CTNNA1: variants seen among roughly 807,000 people sequenced by gnomAD.
CTNNA1 encodes catenin alpha 1, also known as catenin alpha-1.
CTNNA1 carries 37 observed loss-of-function variants against 98.4 expected under a neutral mutation model. The observed-to-expected ratio is 0.38, with a 90% confidence interval of 0.29 to 0.49. The LOEUF (loss-of-function observed/expected upper bound fraction) is 0.49, where lower values mean the gene tolerates loss of function less well. CTNNA1 is among the 20% of genes least tolerant of loss of function. CTNNA1 has a pLI of 0.95. For synonymous variants in CTNNA1, 404 were observed against 413.2 expected (o/e 0.98, Z 0.27); for missense variants, 761 against 1,147.2 (o/e 0.66, Z 4.86).
At chr5:138,931,347 C>T (rs920704524) in intron 16 of CTNNA1, among the ~76,000 whole-genome samples, 6 of 152,194 alleles carry the variant, frequency 3.9e-5, no homozygotes, top group African/African-American at 9.6e-5. Context: ...TACAAAAATA[C>T]GGTTCCTACC....
chr5:138,837,464 TC>T (rs1425370702), intron 7 of CTNNA1, among the ~76,000 whole-genome samples: 1 of 92,216 alleles, frequency 1.1e-5, no homozygotes, highest in Non-Finnish European at 2.2e-5. Context: ...TTCCTCCTCC[TC>T]CCCCTCCTCT....
intron 6 of CTNNA1, among the ~76,000 whole-genome samples, chr5:138,825,603 G>A (rs1301605231): frequency 6.7e-6 from 1 of 148,872 alleles, no homozygotes; most frequent in South Asian, 2.1e-4. Flanking sequence ...AAGTAGGGAT[G>A]CTATGAAATA....
At chr5:138,797,893 A>T (rs1022105775) in intron 3 of CTNNA1, among the ~76,000 whole-genome samples, 24 of 151,932 alleles carry the variant, frequency 1.6e-4, no homozygotes, top group Admixed American at 1.2e-3. Flanking sequence ...GCTAAAAAAA[A>T]AATTTAAAAA....
chr5:138,811,956 G>T, intron 4 of CTNNA1: 1 of 393,894 alleles, frequency 2.5e-6, no homozygotes, highest in South Asian at 2.7e-5. Flanking sequence ...GGGAGGGGAA[G>T]GGGGAGGGAA....
At chr5:138,820,900 G>A (rs1025501011) in intron 5 of CTNNA1, among the ~76,000 whole-genome samples, 2 of 152,190 alleles carry the variant, frequency 1.3e-5, no homozygotes, top group African/African-American at 4.8e-5. Context: ...ACGTAATCTT[G>A]CAAGGTCACT....
rs1760114920 is a variant in CTNNA1, at chr5:138,822,187, G to C, written c.589-2343G>C. On this transcript the variant is annotated intron_variant, in intron 5 of 17. Transcript: ENST00000302763. ...CAGAACATATGCACCAGCTGTTTAA[G>C]CATAATGGTTAACCCTAGCTCCTTG... Among the ~76,000 whole-genome samples, 6 of 152,298 alleles carry C rather than the reference G, an allele frequency of 3.9e-5. No homozygotes were observed. The South Asian group carries it at 1.2e-3, about 32-fold the overall frequency.
chr5:138,764,682 G>T lies in CTNNA1; in HGVS notation c.-3+11172G>T, dbSNP rs1438503146. ...GACGGGGTTTCTCCATGTTGGTCAG[G>T]CTGGTCTCGAACTCCTGACCTCAGG... On this transcript the variant is annotated intron_variant, in intron 1 of 17. Transcript: ENST00000302763. Among the ~76,000 whole-genome samples, 5 of 151,598 alleles carry T rather than the reference G, an allele frequency of 3.3e-5. No individual in the cohort carries two copies. In the East Asian group the frequency reaches 9.9e-4, roughly 30 times the overall value.
chr5:138,826,082 C>G (rs991120264), intron 6 of CTNNA1, among the ~76,000 whole-genome samples: 6 of 152,144 alleles, frequency 3.9e-5, no homozygotes, highest in African/African-American at 9.7e-5. Context: ...CCATTCATTT[C>G]TCATTTTTGT....
chr5:138,930,893 A>C lies in CTNNA1; in HGVS notation c.2256A>C (p.Ala752=). 1 of 1,614,150 alleles carries C rather than the reference A, an allele frequency of 6.2e-7. No individual in the cohort carries two copies. Among genetic ancestry groups the C allele is most frequent in the Non-Finnish European group, 8.5e-7 (1 of 1,179,928 alleles). The change falls in exon 16 of 18, where the codon GCA becomes GCC. Residue 752 remains alanine (A), a synonymous_variant. Transcript: ENST00000302763. Reference sequence around the variant, plus strand: ...GTGCTGCCAAGAAAATTGCTGAGGCAGGATCCAGGATGGACAAGCTTGGCC... The same window carrying C: ...GTGCTGCCAAGAAAATTGCTGAGGCCGGATCCAGGATGGACAAGCTTGGCC... ...VISAAKKIAE[A]GSRMDKLGRT...
In CTNNA1 at chr5:138,853,633, G is replaced by A. The variant is rs571596585; in HGVS notation, c.1062+25915G>A. Among the ~76,000 whole-genome samples the A allele has an allele frequency of 5.3e-5, 8 of 152,274 alleles. 1 individual carries two copies. The highest frequency in any genetic ancestry group is 1.4e-4 in the African/African-American group (6 of 41,548). On this transcript the variant is annotated intron_variant, in intron 7 of 17. Transcript: ENST00000302763. ...ATTACTTACATGCACATAAGTTTGG[G>A]ACTATCAGGGTTAAATCACAGAAGC... is the stretch of plus-strand genomic sequence containing the variant.
chr5:138,907,435 C>G (rs1043048553), intron 10 of CTNNA1, among the ~76,000 whole-genome samples: 1 of 152,238 alleles, frequency 6.6e-6, no homozygotes, highest in Non-Finnish European at 1.5e-5. Flanking sequence ...ATAACTCAAA[C>G]TCTTCTGTGT....
chr5:138,819,568 G>T (rs562970727), intron 5 of CTNNA1, among the ~76,000 whole-genome samples: 1 of 152,098 alleles, frequency 6.6e-6, no homozygotes, highest in African/African-American at 2.4e-5. Flanking sequence ...AGGCCTGAGG[G>T]GCATGACTTT....
Position 138,813,316 on chromosome 5 carries a change from C to T in CTNNA1, c.588+1014C>T, listed in dbSNP as rs111995851. Among the ~76,000 whole-genome samples the T allele has an allele frequency of 4.8e-3, 724 of 152,310 alleles. 8 individuals carry two copies. Among genetic ancestry groups the T allele is most frequent in the African/African-American group, 0.017 (700 of 41,570 alleles). On this transcript the variant is annotated intron_variant, in intron 5 of 17. Transcript: ENST00000302763. ...AAAGGACTGTTCCTTCCATATGTCT[C>T]TCTTTATAAGCAAACAATCTAGAAG...
intron 6 of CTNNA1, among the ~76,000 whole-genome samples, chr5:138,825,846 A>G (rs1464568065): frequency 1.3e-5 from 2 of 151,840 alleles, no homozygotes; most frequent in Non-Finnish European, 1.5e-5. Context: ...TTTATAACAA[A>G]CTCTTATGGT....
In CTNNA1 at chr5:138,875,042, A is replaced by G. The variant is rs367851057; in HGVS notation, c.1063-11170A>G. On this transcript the variant is annotated intron_variant, in intron 7 of 17. Coordinates refer to ENST00000302763, the MANE Select transcript of CTNNA1 (RefSeq NM_001903.5). ...TTCTGTGTCCCAGGCTTTCCAAGTA[A>G]AATTGAATCCACCAGGACGAGTTGT... 266 of 866,932 alleles carry G rather than the reference A, an allele frequency of 3.1e-4. 1 individual carries two copies. In the South Asian group the frequency reaches 3.9e-3, roughly 13 times the overall value. The allele number at this position is 866,932 out of a possible 1,614,324, so 53.7% of individuals were successfully genotyped here.
intron 1 of CTNNA1, among the ~76,000 whole-genome samples, chr5:138,770,967 A>T (rs1561506333): frequency 1.3e-5 from 2 of 149,886 alleles, no homozygotes; most frequent in South Asian, 4.2e-4. Flanking sequence ...AAAAAAAAAC[A>T]CAAAAACAAA....
chr5:138,830,525 G>C (rs902247867), intron 7 of CTNNA1, among the ~76,000 whole-genome samples: 11 of 152,234 alleles, frequency 7.2e-5, no homozygotes, highest in Admixed American at 6.5e-5. Context: ...GCACTGGAGT[G>C]AGGATAAACG....
intron 4 of CTNNA1, among the ~76,000 whole-genome samples, chr5:138,811,275 G>C (rs1758743126): frequency 7.0e-6 from 1 of 143,448 alleles, no homozygotes; most frequent in African/African-American, 2.6e-5. Context: ...TCACATCCCA[G>C]ACGGGGCGGC....
chr5:138,828,765 T>C (rs1760973192), intron 7 of CTNNA1, among the ~76,000 whole-genome samples: 1 of 152,096 alleles, frequency 6.6e-6, no homozygotes, highest in Non-Finnish European at 1.5e-5. Flanking sequence ...TGAAGATGAA[T>C]GCCTTCCTCT....
Sources: allele counts gnomAD v4.1 joint callset (sites outside exome capture counted in the v4.1 genomes callset), GRCh38; gene constraint gnomAD v4.1.1; transcripts MANE v1.5; gene names NCBI Gene and HGNC (gene_info 2026-07-23, HGNC 2026-07-21).